The following NEDD4 variants were observed in gnomAD, a reference collection of about 807,000 sequenced individuals.
NEDD4 encodes the protein E3 ubiquitin-protein ligase NEDD4.
NEDD4 carries 99 observed loss-of-function variants against 144.9 expected under a neutral mutation model. That is an observed-to-expected ratio of 0.68 (90% confidence interval 0.58 to 0.81). The LOEUF is 0.81. NEDD4 is among the 30% of genes least tolerant of loss of function. The probability of loss-of-function intolerance (pLI) is 0.00; values close to 1 mark genes in which losing one functional copy is unlikely to be tolerated. For missense variants in NEDD4, 985 were observed against 1,065.9 expected (o/e 0.92, Z 1.06); for synonymous variants, 318 against 350.6 (o/e 0.91, Z 1.04).
intron 4 of NEDD4, among the ~76,000 whole-genome samples, chr15:55,946,394 C>T (rs530220420): frequency 2.7e-4 from 41 of 152,074 alleles, no homozygotes; most frequent in African/African-American, 9.6e-4. Flanking sequence ...CCAACAAAGA[C>T]CAAAAGAGAC....
intron 4 of NEDD4, among the ~76,000 whole-genome samples, chr15:55,948,619 G>A (rs2078998976): frequency 6.6e-6 from 1 of 152,048 alleles, no homozygotes; most frequent in African/African-American, 2.4e-5. Flanking sequence ...CAGACCAATG[G>A]AACAGAAAAG....
intron 1 of NEDD4, among the ~76,000 whole-genome samples, chr15:55,982,994 C>A (rs1439223216): frequency 1.3e-5 from 2 of 151,946 alleles, no homozygotes; most frequent in African/African-American, 4.8e-5. Flanking sequence ...TGGTGACTGG[C>A]GCCTGTAATC....
chr15:55,952,463 A>G (rs2037259370), intron 2 of NEDD4, among the ~76,000 whole-genome samples: 1 of 152,330 alleles, frequency 6.6e-6, no homozygotes, highest in East Asian at 1.9e-4. Flanking sequence ...TTACTTGTCC[A>G]TTGTTAAATT....
intron 5 of NEDD4, among the ~76,000 whole-genome samples, chr15:55,885,858 A>G (rs2035365577): frequency 6.6e-6 from 1 of 151,982 alleles, no homozygotes; most frequent in Non-Finnish European, 1.5e-5. Context: ...CAATAATAAC[A>G]CTGAATATAA....
chr15:55,916,695 A>G (rs762883853), intron 5 of NEDD4: 2 of 1,614,040 alleles, frequency 1.2e-6, no homozygotes, highest in Admixed American at 1.7e-5. Context: ...CATTTGAACA[A>G]CGTTAGACGT....
intron 24 of NEDD4, 59 bp from the exon 25 acceptor site, chr15:55,834,345 TC>T: frequency 9.2e-7 from 1 of 1,085,312 alleles, no homozygotes; most frequent in South Asian, 1.3e-5. Flanking sequence ...TTCCTATGCC[TC>T]AGCTTCTGGA....
rs188501906 is a variant in NEDD4, at chr15:55,887,726, A to C, written c.292-13718T>G. ...ATTTCTGACAAGCATTGATACAAAA[A>C]TCCTCAACAAAATACTAGCAAACCG... On this transcript the variant is annotated intron_variant, in intron 5 of 28. Transcript: ENST00000435532. Among the ~76,000 whole-genome samples the C allele has an allele frequency of 3.6e-3, 544 of 152,324 alleles. 12 individuals are homozygous for C. Among genetic ancestry groups the C allele is most frequent in the Admixed American group, 0.029 (445 of 15,304 alleles).
chr15:55,883,987 C>A (rs1326870455), intron 5 of NEDD4, among the ~76,000 whole-genome samples: 1 of 151,336 alleles, frequency 6.6e-6, no homozygotes, highest in Non-Finnish European at 1.5e-5. Context: ...TCAAGCAATT[C>A]TCCTGCCTCA....
intron 26 of NEDD4, 31 bp from the exon 27 acceptor site, chr15:55,833,135 C>T (rs2033035303): frequency 1.4e-6 from 2 of 1,401,078 alleles, no homozygotes; most frequent in East Asian, 2.3e-5. Flanking sequence ...ATTTAGGGAA[C>T]AGCACTGGGA....
At chr15:55,867,074 C>CA (rs1192905476) in intron 8 of NEDD4, among the ~76,000 whole-genome samples, 3 of 152,072 alleles carry the variant, frequency 2.0e-5, no homozygotes, top group African/African-American at 7.2e-5. Flanking sequence ...GCAAATGGTA[C>CA]AAAAATCAAA....
chr15:55,988,954 G>C (rs918204735), intron 1 of NEDD4, among the ~76,000 whole-genome samples: 3 of 152,216 alleles, frequency 2.0e-5, no homozygotes, highest in Admixed American at 1.3e-4. Context: ...TTTTAAAATA[G>C]GACGGGCGCG....
rs578262288 is a variant in NEDD4, at chr15:55,904,295, C to A, written c.291+20351G>T. ...TCTTCCTCCTTGTTCTATTTCCATA[C>A]ACCTTTTATTTTATTTCATTTTTTT... On this transcript the variant is annotated intron_variant, in intron 5 of 28. Transcript: ENST00000435532. Among the ~76,000 whole-genome samples the A allele has an allele frequency of 3.9e-5, 6 of 152,086 alleles. No homozygotes were observed. The South Asian group carries it at 1.2e-3, about 32-fold the overall frequency.
At chr15:55,847,249 G>GT (rs1409041752) in intron 17 of NEDD4, among the ~76,000 whole-genome samples, 1 of 152,130 alleles carries the variant, frequency 6.6e-6, no homozygotes, top group Non-Finnish European at 1.5e-5. Context: ...TCCTATGGCT[G>GT]TAATTTTCAT....
intron 5 of NEDD4, among the ~76,000 whole-genome samples, chr15:55,921,390 T>A (rs1296336024): frequency 2.6e-5 from 4 of 151,926 alleles, no homozygotes; most frequent in African/African-American, 9.7e-5. Flanking sequence ...AATGGTGTGA[T>A]CTCAGCTCAC....
At chr15:55,846,471 C>T (rs1356591634) in intron 18 of NEDD4, among the ~76,000 whole-genome samples, 1 of 152,116 alleles carries the variant, frequency 6.6e-6, no homozygotes, top group African/African-American at 2.4e-5. Flanking sequence ...AACTGATAAG[C>T]ATAAGGAGAC....
intron 2 of NEDD4, among the ~76,000 whole-genome samples, chr15:55,960,052 C>A (rs1481284668): frequency 1.3e-5 from 2 of 152,142 alleles, no homozygotes; most frequent in Non-Finnish European, 2.9e-5. Context: ...AACTACCTTA[C>A]ACAACTGCCT....
intron 1 of NEDD4, among the ~76,000 whole-genome samples, chr15:55,985,466 T>C (rs1249740289): frequency 6.6e-6 from 1 of 152,100 alleles, no homozygotes; most frequent in African/African-American, 2.4e-5. Context: ...ATAGCAATAT[T>C]CCCACTGGCA....
chr15:55,838,459 C>T (rs772655831), intron 22 of NEDD4, 50 bp downstream of exon 22: 15 of 1,269,560 alleles, frequency 1.2e-5, no homozygotes, highest in South Asian at 6.0e-5. Context: ...AACATCTAAA[C>T]ATTTGTCTCA....
At chr15:55,990,665 T>A (rs1459059460) in intron 1 of NEDD4, among the ~76,000 whole-genome samples, 1 of 152,182 alleles carries the variant, frequency 6.6e-6, no homozygotes, top group Non-Finnish European at 1.5e-5. Flanking sequence ...CTACTTTGGA[T>A]CCAGTCCATT....
Sources: gnomAD v4.1 joint callset for allele counts (sites outside exome capture counted in the v4.1 genomes callset) on GRCh38, gnomAD v4.1.1 for gene constraint, MANE v1.5 for transcripts, NCBI Gene and HGNC (gene_info 2026-07-23, HGNC 2026-07-21) for gene names.